The following SLC2A9 variants were observed in gnomAD, a reference collection of about 807,000 sequenced individuals.
SLC2A9 encodes solute carrier family 2 member 9.
In SLC2A9, 39 loss-of-function variants were observed where a neutral mutation model predicts 50.6. That is an observed-to-expected ratio of 0.77 (90% CI 0.60 to 1.01). The LOEUF (loss-of-function observed/expected upper bound fraction) is 1.01, where lower values mean the gene tolerates loss of function less well. Among genes scored for constraint, SLC2A9 ranks in the 50% least tolerant of loss-of-function variants. The probability of loss-of-function intolerance (pLI) is 0.00; values close to 1 mark genes in which losing one functional copy is unlikely to be tolerated. For missense variants in SLC2A9, 686 were observed against 677.6 expected (o/e 1.01, Z -0.14); for synonymous variants, 324 against 276.9 (o/e 1.17, Z -1.69).
upstream of SLC2A9, among the ~76,000 whole-genome samples, chr4:10,021,986 G>T (rs1364990295): frequency 6.6e-6 from 1 of 152,024 alleles, no homozygotes; most frequent in African/African-American, 2.4e-5. Flanking sequence ...CTATAGGCGT[G>T]TGCCACCACG....
At chr4:9,792,114 T>C (rs1359217183) in intron 3 of SLC2A9, among the ~76,000 whole-genome samples, 1 of 151,974 alleles carries the variant, frequency 6.6e-6, no homozygotes, top group African/African-American at 2.4e-5. Context: ...CCTGTGCTCA[T>C]TTCTCTATTC....
chr4:9,936,824 A>C (rs1747170375), intron 6 of SLC2A9, among the ~76,000 whole-genome samples: 2 of 152,124 alleles, frequency 1.3e-5, no homozygotes, highest in East Asian at 1.9e-4. Context: ...ATGGTCTCTA[A>C]ACTCTCTGGT....
intron 3 of SLC2A9, among the ~76,000 whole-genome samples, chr4:9,817,453 T>C (rs1723760285): frequency 6.6e-6 from 1 of 152,220 alleles, no homozygotes; most frequent in South Asian, 2.1e-4. Context: ...GAAGCAGTTC[T>C]TCATTTTTCT....
intron 5 of SLC2A9, among the ~76,000 whole-genome samples, chr4:9,950,093 T>A (rs935103416): frequency 3.3e-5 from 5 of 152,198 alleles, no homozygotes; most frequent in African/African-American, 1.2e-4. Flanking sequence ...TGAGGGTCAA[T>A]GTCACCCTCT....
chr4:9,778,162 T>G (rs1223375555), downstream of SLC2A9, among the ~76,000 whole-genome samples: 2 of 151,434 alleles, frequency 1.3e-5, no homozygotes, highest in Non-Finnish European at 2.9e-5. Flanking sequence ...CAGACTGGAG[T>G]GCAGTGGTGC....
chr4:10,019,199 T>C (rs1578370418), intron 1 of SLC2A9, 126 bp from the exon 2 acceptor site: 1 of 784,024 alleles, frequency 1.3e-6, no homozygotes, highest in Admixed American at 2.3e-5. Context: ...TTGGCTGGGG[T>C]AGAGACAGAG....
chr4:10,025,449 A>C (rs1763718417), upstream of SLC2A9, among the ~76,000 whole-genome samples: 1 of 152,150 alleles, frequency 6.6e-6, no homozygotes, highest in African/African-American at 2.4e-5. Context: ...TGGTTCTTGA[A>C]TCAGGTTTAA....
intron 6 of SLC2A9, among the ~76,000 whole-genome samples, chr4:9,934,890 G>A (rs1286348883): frequency 2.0e-5 from 3 of 152,168 alleles, no homozygotes; most frequent in African/African-American, 7.2e-5. Context: ...TCCCACTTAT[G>A]AGTGAGAGCA....
At chr4:9,790,352 G>C (rs1719752109) in intron 3 of SLC2A9, among the ~76,000 whole-genome samples, 1 of 152,144 alleles carries the variant, frequency 6.6e-6, no homozygotes, top group Non-Finnish European at 1.5e-5. Flanking sequence ...GACCTCAGTT[G>C]TCTACATGAG....
intron 8 of SLC2A9, among the ~76,000 whole-genome samples, chr4:9,894,236 A>C (rs4697693): frequency 0.25 from 37,693 of 152,194 alleles, 4,884 homozygotes; most frequent in Non-Finnish European, 0.28. Flanking sequence ...TAGATGGTAA[A>C]TATGTAGAAA....
downstream of SLC2A9, among the ~76,000 whole-genome samples, chr4:9,779,560 G>T (rs1380655347): frequency 6.6e-6 from 1 of 151,700 alleles, no homozygotes; most frequent in Non-Finnish European, 1.5e-5. Flanking sequence ...GACTACAGGC[G>T]CCCGCCACCA....
chr4:10,004,906 T>C (rs1000348790), intron 2 of SLC2A9, among the ~76,000 whole-genome samples: 7 of 152,230 alleles, frequency 4.6e-5, no homozygotes, highest in Admixed American at 4.6e-4. Context: ...ATCACTGTGG[T>C]AGGTAACCTC....
intron 5 of SLC2A9, among the ~76,000 whole-genome samples, chr4:9,956,534 C>G (rs1560382762): frequency 6.6e-6 from 1 of 152,086 alleles, no homozygotes; most frequent in African/African-American, 2.4e-5. Context: ...TTCTGATACA[C>G]AGCCACCTCC....
chr4:9,864,923 G>A (rs745974002), intron 10 of SLC2A9, among the ~76,000 whole-genome samples: 1 of 152,232 alleles, frequency 6.6e-6, no homozygotes, highest in Admixed American at 6.5e-5. Context: ...CCTTGGCCAG[G>A]TCTTGGCTGG....
chr4:9,816,944 T>C (rs1465030516), intron 3 of SLC2A9, among the ~76,000 whole-genome samples: 2 of 152,202 alleles, frequency 1.3e-5, no homozygotes, highest in Non-Finnish European at 2.9e-5. Flanking sequence ...ACGCAACACC[T>C]TGGAATCTTT....
At chr4:9,802,559 C>CTTTTTTTT (rs1238703528) in intron 3 of SLC2A9, among the ~76,000 whole-genome samples, 1 of 127,030 alleles carries the variant, frequency 7.9e-6, no homozygotes, top group Non-Finnish European at 1.6e-5. Flanking sequence ...TTGTTCTTTT[C>CTTTTTTTT]TTTTTTTTTT....
At chr4:9,957,001 C>T (rs970545319) in intron 5 of SLC2A9, among the ~76,000 whole-genome samples, 1 of 152,062 alleles carries the variant, frequency 6.6e-6, no homozygotes, top group African/African-American at 2.4e-5. Context: ...AAGACATTTG[C>T]CCCAAAGACC....
At chr4:9,929,789 G>C (rs80155822) in intron 6 of SLC2A9, among the ~76,000 whole-genome samples, 1 of 100,092 alleles carries the variant, frequency 1.0e-5, no homozygotes, top group African/African-American at 3.8e-5. Context: ...AGCTGGGGCT[G>C]CTATAACATC....
intron 7 of SLC2A9, among the ~76,000 whole-genome samples, chr4:9,912,871 GT>G (rs1388026181): frequency 1.3e-5 from 2 of 152,222 alleles, no homozygotes; most frequent in Non-Finnish European, 2.9e-5. Flanking sequence ...TGGGTGAGCT[GT>G]AAATGTAATC....
Sources: allele counts gnomAD v4.1 joint callset (sites outside exome capture counted in the v4.1 genomes callset), GRCh38; gene constraint gnomAD v4.1.1; transcripts MANE v1.5; gene names NCBI Gene and HGNC (gene_info 2026-07-23, HGNC 2026-07-21).